GALNT2: variants seen among roughly 807,000 people sequenced by gnomAD.
GALNT2 encodes the protein polypeptide N-acetylgalactosaminyltransferase 2.
GALNT2 carries 31 observed loss-of-function variants against 81.4 expected under a neutral mutation model. That is an observed-to-expected ratio of 0.38 (90% CI 0.29 to 0.51). The LOEUF (loss-of-function observed/expected upper bound fraction) is 0.51, where lower values mean the gene tolerates loss of function less well. GALNT2 is among the 20% of genes least tolerant of loss of function. The pLI, the probability that GALNT2 is intolerant of heterozygous loss-of-function variation, is 0.87. For synonymous variants in GALNT2, 303 were observed against 287.4 expected (o/e 1.05, Z -0.55); for missense variants, 629 against 765.7 (o/e 0.82, Z 2.11).
At chr1:230,075,302 T>A (rs1490227432) in intron 1 of GALNT2, among the ~76,000 whole-genome samples, 2 of 152,024 alleles carry the variant, frequency 1.3e-5, no homozygotes, top group Admixed American at 1.3e-4. Flanking sequence ...ATTTTTGTAT[T>A]TTTAATAGAG....
intron 1 of GALNT2, among the ~76,000 whole-genome samples, chr1:230,115,023 T>TTTTTA (rs1553257662): frequency 1.3e-5 from 2 of 150,658 alleles, no homozygotes; most frequent in African/African-American, 4.9e-5. Flanking sequence ...TTTTTTTTTT[T>TTTTTA]AAGATGGAGT....
intron 1 of GALNT2, among the ~76,000 whole-genome samples, chr1:230,130,806 A>G (rs1316841841): frequency 1.3e-5 from 2 of 152,176 alleles, no homozygotes; most frequent in African/African-American, 4.8e-5. Context: ...TAATGAGTTT[A>G]TGGGACACCA....
chr1:230,211,315 T>C (rs1664227034), intron 3 of GALNT2, among the ~76,000 whole-genome samples: 1 of 152,068 alleles, frequency 6.6e-6, no homozygotes. Context: ...GTGTCACAGG[T>C]GGGGACAGGC....
At chr1:230,090,398 A>G (rs1382093093) in intron 1 of GALNT2, among the ~76,000 whole-genome samples, 2 of 152,216 alleles carry the variant, frequency 1.3e-5, no homozygotes, top group East Asian at 3.8e-4. Flanking sequence ...CATTGCACAC[A>G]GCAGAGCCTG....
chr1:230,180,075 A>G (rs1164137045), intron 2 of GALNT2, among the ~76,000 whole-genome samples: 1 of 152,094 alleles, frequency 6.6e-6, no homozygotes. Context: ...TCTGCCACCA[A>G]GCCCAGCTAA....
At chr1:230,163,663 A>T (rs1429007580) in intron 1 of GALNT2, among the ~76,000 whole-genome samples, 1 of 152,264 alleles carries the variant, frequency 6.6e-6, no homozygotes, top group Non-Finnish European at 1.5e-5. Context: ...ACAGCAGCTC[A>T]CTGTCTTTTC....
rs1053689211 is a variant in GALNT2 at position 230,070,389 on chromosome 1, C to T, written c.126+2983C>T. On this transcript the variant is annotated intron_variant, in intron 1 of 15. Transcript: ENST00000366672. The surrounding 1 kb of genome is among the most constrained non-coding windows in gnomAD (Gnocchi z 4.7). ...TTGGTACGTTGGCAGTGGATGGAGC[C>T]GCAGAAGAGAGGAAGGGATTTCTCT... Among the ~76,000 whole-genome samples, 4 of 152,054 alleles carry T rather than the reference C, an allele frequency of 2.6e-5. No individual in the cohort carries two copies. The highest frequency in any genetic ancestry group is 5.9e-5 in the Non-Finnish European group (4 of 68,014).
At chr1:230,273,300 C>G (rs1666200690) in intron 14 of GALNT2, among the ~76,000 whole-genome samples, 2 of 152,298 alleles carry the variant, frequency 1.3e-5, no homozygotes, top group East Asian at 3.9e-4. Context: ...GAGCCTGGCT[C>G]TGTGACAGCG....
chr1:230,231,642 G>GT (rs1374998563), intron 3 of GALNT2, among the ~76,000 whole-genome samples: 1 of 152,164 alleles, frequency 6.6e-6, no homozygotes, highest in Non-Finnish European at 1.5e-5. Context: ...AGATTCACCA[G>GT]TTTTTTCCAT....
chr1:230,249,234 A>G lies in GALNT2; in HGVS notation c.868A>G (p.Arg290Gly), dbSNP rs776404910. 2.5e-6 allele frequency: 4 copies of G among 1,614,186 alleles called. No individual in the cohort carries two copies. The highest frequency in any genetic ancestry group is 1.7e-6 in the Non-Finnish European group (2 of 1,180,028). ...FKWDYMTPEQ[R>G]RSRQGNPVAP... Reference sequence around the variant, plus strand: ...GTGGGATTACATGACGCCTGAGCAGAGAAGGTCCCGGCAGGGGAACCCAGT... The same window carrying G: ...GTGGGATTACATGACGCCTGAGCAGGGAAGGTCCCGGCAGGGGAACCCAGT... Residue 290 changes from arginine (R) to glycine (G), a missense_variant, in exon 9 of 16, where the codon AGA becomes GGA. By Grantham distance (125) the Arg-to-Gly change is moderately radical. This residue lies in a region of GALNT2 where 360 missense variants were observed against 492.8 expected (regional missense o/e 0.73). Coordinates refer to ENST00000366672, the MANE Select transcript of GALNT2 (RefSeq NM_004481.5).
At chr1:230,173,591 A>T (rs1404615162) in intron 1 of GALNT2, among the ~76,000 whole-genome samples, 1 of 152,204 alleles carries the variant, frequency 6.6e-6, no homozygotes, top group African/African-American at 2.4e-5. Flanking sequence ...AAACCACATC[A>T]TGACTTGTCT....
chr1:230,206,359 G>A (rs1664056827), intron 3 of GALNT2, among the ~76,000 whole-genome samples: 1 of 152,050 alleles, frequency 6.6e-6, no homozygotes, highest in Non-Finnish European at 1.5e-5. Context: ...TGCATTTTAG[G>A]TGGGTTTAAT....
rs542200935 is a variant in GALNT2 at position 230,163,317 on chromosome 1, A to G, written c.127-14901A>G. 5.9e-5 allele frequency among the ~76,000 whole-genome samples: 9 copies of G among 152,330 alleles called. No individual in the cohort carries two copies. The South Asian group carries it at 1.2e-3, about 21-fold the overall frequency. ...GGGCCACTGGCCACTCCTGAATTCC[A>G]TGGACTCCGTGGGGCTGAGGTGCAG... is the stretch of plus-strand genomic sequence containing the variant. On this transcript the variant is annotated intron_variant, in intron 1 of 15. Coordinates refer to ENST00000366672, the MANE Select transcript of GALNT2 (RefSeq NM_004481.5).
intron 2 of GALNT2, among the ~76,000 whole-genome samples, chr1:230,201,379 C>G (rs1029207994): frequency 1.3e-5 from 2 of 152,150 alleles, no homozygotes; most frequent in South Asian, 4.1e-4. Context: ...GGGTTCTGAC[C>G]TCGCAGGACC....
At position 230,236,715 on chromosome 1, in the gene GALNT2, T is replaced by C. The variant is rs748304848; in HGVS notation, c.597T>C (p.Asp199=). 1 of 1,613,420 alleles carries C rather than the reference T, an allele frequency of 6.2e-7. No homozygotes were observed. The highest frequency in any genetic ancestry group is 1.7e-5 in the Admixed American group (1 of 59,806). Residue 199 remains aspartate (D), a synonymous_variant, in exon 6 of 16, where the codon GAT becomes GAC. Coordinates refer to ENST00000366672, the MANE Select transcript of GALNT2 (RefSeq NM_004481.5). The stretch of plus-strand genomic sequence containing the variant: ...AGAAAGTGCGAGTTCTTAGAAATGA[T>C]CGACGAGAAGGTAAGATTCTTCTTA... ...KIEKVRVLRN[D]RREGLMRSRV... is the part of the protein sequence containing the mutation.
At chr1:230,084,849 G>A (rs984999001) in intron 1 of GALNT2, among the ~76,000 whole-genome samples, 1 of 152,164 alleles carries the variant, frequency 6.6e-6, no homozygotes, top group Non-Finnish European at 1.5e-5. Context: ...TCATTTCTGG[G>A]TGCAAGTCTG....
upstream of GALNT2, chr1:230,057,871 G>C: frequency 5.7e-6 from 2 of 353,164 alleles, no homozygotes. Flanking sequence ...GCAACCACAG[G>C]CAGGAGGGGT....
intron 8 of GALNT2, 27 bp from the exon 9 acceptor site, chr1:230,249,157 C>T: frequency 6.2e-7 from 1 of 1,605,108 alleles, no homozygotes; most frequent in Non-Finnish European, 8.5e-7. Flanking sequence ...CTCTTGTCAA[C>T]ACCCTGTTTC....
At position 230,281,403 on chromosome 1, in the gene GALNT2, AGGT is replaced by A. The variant is rs1666439050; in HGVS notation, c.*1946_*1948del. The A allele has an allele frequency of 6.6e-6, 1 of 151,684 alleles. No homozygotes were observed. Among genetic ancestry groups the A allele is most frequent in the Non-Finnish European group, 1.5e-5 (1 of 68,000 alleles). 9.4% of individuals were successfully genotyped at this position (151,684 alleles called of 1,614,324 possible). The stretch of plus-strand genomic sequence containing the variant: ...GGGGGAGCCTGAGGAAAACCCCCTT[AGGT>A]ACCTGTGCGAGGCTGTGGAGTGCAG... On this transcript the variant is annotated 3_prime_UTR_variant, in exon 16 of 16. Transcript: ENST00000366672.
Sources: gnomAD v4.1 joint callset for allele counts (sites outside exome capture counted in the v4.1 genomes callset) on GRCh38, gnomAD v4.1.1 for gene constraint, gnomAD v4.1.1 regional missense constraint, Gnocchi (gnomAD v3.1) non-coding constraint, MANE v1.5 for transcripts, NCBI Gene and HGNC (gene_info 2026-07-23, HGNC 2026-07-21) for gene names.